Variants in SEC24C observed in about 807,000 individuals in gnomAD.
SEC24C encodes the protein SEC24 homolog C, COPII component, also known as protein transport protein Sec24C.
Under a neutral mutation model 117.0 loss-of-function variants are expected in SEC24C, and 22 were observed. The observed-to-expected ratio is 0.19, with a 90% confidence interval of 0.13 to 0.27. The LOEUF is 0.27. Ranked by LOEUF, SEC24C falls within the 10% of genes least tolerant of loss-of-function variation. The pLI is 1.00. For synonymous variants in SEC24C, 506 were observed against 529.4 expected, an observed-to-expected ratio of 0.96 and a Z score of 0.61; for missense variants, 1,155 against 1,375.1, an observed-to-expected ratio of 0.84 and a Z score of 2.53.
intron 7 of SEC24C, 93 bp from the exon 8 acceptor site, chr10:73,763,763 G>A: frequency 1.5e-6 from 2 of 1,350,776 alleles, no homozygotes; most frequent in Non-Finnish European, 1.0e-6. Context: ...ATCACCTCTA[G>A]CTTTGTGGAG....
intron 8 of SEC24C, among the ~76,000 whole-genome samples, chr10:73,764,231 G>A (rs1396281453): frequency 6.6e-6 from 1 of 152,064 alleles, no homozygotes; most frequent in African/African-American, 2.4e-5. Context: ...AGGATGAAAA[G>A]AGGTAGGGCC....
chr10:73,770,021 A>C lies in SEC24C; in HGVS notation c.2862+6A>C. On this transcript the variant is annotated splice_donor_region_variant and intron_variant, in intron 20 of 22. Transcript: ENST00000345254. ...ACCCTCGGCTCTTACCTTTGGTGCG[A>C]TTGAGGGTTGGAGTATGAGATCTTG... 1.2e-6 allele frequency: 2 copies of C among 1,613,716 alleles called. No individual in the cohort carries two copies. The highest frequency in any genetic ancestry group is 2.2e-5 in the South Asian group (2 of 91,036).
chr10:73,751,547 T>C lies in SEC24C; in HGVS notation c.308+304T>C, dbSNP rs181090545. Among the ~76,000 whole-genome samples the C allele has an allele frequency of 2.6e-4, 39 of 151,314 alleles. No individual in the cohort carries two copies. The East Asian group carries it at 6.4e-3, about 25-fold the overall frequency. ...CTGGGCGATAGAGTGAGACTCCGTC[T>C]CATAAATAAATAAATAAATAAATAA... On this transcript the variant is annotated intron_variant, in intron 3 of 22. Transcript: ENST00000345254.
chr10:73,752,102 A>G (rs1254746570), intron 3 of SEC24C: 1 of 152,040 alleles, frequency 6.6e-6, no homozygotes. Flanking sequence ...AGTCATCTCT[A>G]TTAGAGTGCT....
Position 73,763,733 on chromosome 10 carries a change from C to T in SEC24C, c.1100-123C>T, listed in dbSNP as rs1318429564. ...ACCAGAGACAAGTTCCCTCTAGTCC[C>T]TCTGGGGGAAAAAGCCACCATCACC... On this transcript the variant is annotated intron_variant, in intron 7 of 22. Transcript: ENST00000345254. The T allele has an allele frequency of 9.7e-6, 8 of 822,572 alleles. No individual in the cohort carries two copies. In the Admixed American group the frequency reaches 2.3e-4, roughly 24 times the overall value. 51.0% of individuals were successfully genotyped at this position (822,572 alleles called of 1,614,324 possible). A position where few individuals can be genotyped will look rare whatever the true frequency, so the allele number is the denominator to read the frequency against.
At chr10:73,764,021 G>GGGA in intron 8 of SEC24C, 38 bp downstream of exon 8, 1 of 1,550,096 alleles carries the variant, frequency 6.5e-7, no homozygotes, top group Non-Finnish European at 8.7e-7. Flanking sequence ...ATGAAAGGGA[G>GGGA]GGAGGTAGAG....
chr10:73,765,904 G>C lies in SEC24C; in HGVS notation c.1471G>C (p.Asp491His). The C allele has an allele frequency of 6.2e-7, 1 of 1,613,548 alleles. No homozygotes were observed. The highest frequency in any genetic ancestry group is 8.5e-7 in the Non-Finnish European group (1 of 1,179,482). The change falls in exon 10 of 23, where the codon GAT becomes CAT. Residue 491 changes from aspartate to histidine, a missense_variant. Coordinates refer to ENST00000345254, the MANE Select transcript of SEC24C (RefSeq NM_198597.3). ...LGSYEFLATV[D>H]YCKNNKFPSP... ...CTCTTATGAATTCTTGGCCACTGTAGATTACTGCAAGGTGAGGGAAGGTAG... is the reference window on the plus strand; with the variant it reads ...CTCTTATGAATTCTTGGCCACTGTACATTACTGCAAGGTGAGGGAAGGTAG...
At chr10:73,759,343 G>A (rs1281473491) in intron 3 of SEC24C, among the ~76,000 whole-genome samples, 7 of 152,250 alleles carry the variant, frequency 4.6e-5, no homozygotes, top group African/African-American at 1.7e-4. Context: ...AATTGAAGCA[G>A]AGGAAGCAGT....
chr10:73,758,128 G>A (rs2082739860), intron 3 of SEC24C, among the ~76,000 whole-genome samples: 1 of 151,794 alleles, frequency 6.6e-6, no homozygotes, highest in Admixed American at 6.6e-5. Context: ...CCAGCTACTC[G>A]GGAGGCTAAG....
In SEC24C at chr10:73,766,153, C is replaced by T. The variant is rs780732293; in HGVS notation, c.1550C>T (p.Thr517Ile). ...MIDVSYNAIRTGLVRLLCEEL... is the reference protein window; with the variant it reads ...MIDVSYNAIRIGLVRLLCEEL... ...GACGTCTCCTACAATGCCATCAGGACTGGTCTTGTTAGGCTCCTCTGTGAG... is the reference window on the plus strand; with the variant it reads ...GACGTCTCCTACAATGCCATCAGGATTGGTCTTGTTAGGCTCCTCTGTGAG... Residue 517 changes from threonine (T) to isoleucine (I), a missense_variant, in exon 11 of 23, where the codon ACT becomes ATT. Transcript: ENST00000345254. 31 of 1,613,658 alleles carry T rather than the reference C, an allele frequency of 1.9e-5. No individual in the cohort carries two copies. Among genetic ancestry groups the T allele is most frequent in the Non-Finnish European group, 2.6e-5 (31 of 1,179,810 alleles).
At chr10:73,753,174 C>T (rs984144145) in intron 3 of SEC24C, among the ~76,000 whole-genome samples, 1 of 152,078 alleles carries the variant, frequency 6.6e-6, no homozygotes, top group Non-Finnish European at 1.5e-5. Flanking sequence ...CTCAGCCTCC[C>T]GAGTAGCTGG....
At chr10:73,765,356 C>A in intron 8 of SEC24C, 95 bp from the exon 9 acceptor site, 1 of 1,388,130 alleles carries the variant, frequency 7.2e-7, no homozygotes, top group South Asian at 1.2e-5. Context: ...ATATCTGCGC[C>A]ATGCGCCTTC....
chr10:73,756,711 C>T (rs1468626197), intron 3 of SEC24C, among the ~76,000 whole-genome samples: 1 of 152,008 alleles, frequency 6.6e-6, no homozygotes, highest in South Asian at 2.1e-4. Context: ...AGTGATTCTC[C>T]TGCCTCAGCC....
chr10:73,763,671 T>G, intron 7 of SEC24C, 70 bp downstream of exon 7: 1 of 507,484 alleles, frequency 2.0e-6, no homozygotes, highest in Non-Finnish European at 3.0e-6. Flanking sequence ...TTGGGGCTTT[T>G]TTTTTTTTTT....
chr10:73,751,333 G>T, intron 3 of SEC24C, 90 bp downstream of exon 3: 1 of 1,308,008 alleles, frequency 7.6e-7, no homozygotes, highest in Admixed American at 2.4e-5. Context: ...GGCTGAGGTG[G>T]GTGGATCACC....
At chr10:73,759,478 A>C (rs2082761500) in intron 3 of SEC24C, 144 bp from the exon 4 acceptor site, 1 of 502,988 alleles carries the variant, frequency 2.0e-6, no homozygotes, top group Admixed American at 4.1e-5. Context: ...ACAAATATAC[A>C]AAAGTATGAA....
At chr10:73,750,150 G>A (rs1438611883) in intron 2 of SEC24C, among the ~76,000 whole-genome samples, 1 of 152,212 alleles carries the variant, frequency 6.6e-6, no homozygotes, top group Non-Finnish European at 1.5e-5. Flanking sequence ...CCTCTGCTTT[G>A]TCAAGTGCTC....
chr10:73,768,774 A>G (rs1411196649), intron 15 of SEC24C, 36 bp from the exon 16 acceptor site: 2 of 1,598,382 alleles, frequency 1.3e-6, no homozygotes, highest in African/African-American at 2.7e-5. Context: ...AGCTATGTCT[A>G]GTCAGTGACA....
At position 73,771,899 on chromosome 10, in the gene SEC24C, T is replaced by G; in HGVS notation, c.*804T>G. The G allele has an allele frequency of 6.2e-6, 1 of 161,280 alleles. No homozygotes were observed. 10.0% of individuals were successfully genotyped at this position (161,280 alleles called of 1,614,324 possible). ...AACACTGCTTCTCCAGGCCCGGGGT[T>G]GTTGGGGAGAGAGGCAGAGGCAGCT... On this transcript the variant is annotated 3_prime_UTR_variant, in exon 23 of 23. Coordinates refer to ENST00000345254, the MANE Select transcript of SEC24C (RefSeq NM_198597.3).
Sources: gnomAD v4.1 joint callset for allele counts (sites outside exome capture counted in the v4.1 genomes callset) on GRCh38, gnomAD v4.1.1 for gene constraint, MANE v1.5 for transcripts, NCBI Gene and HGNC (gene_info 2026-07-23, HGNC 2026-07-21) for gene names.